The following ADCY5 variants were observed in gnomAD, a reference collection of about 807,000 sequenced individuals.
ADCY5 encodes the protein adenylate cyclase type 5.
In ADCY5, 30 loss-of-function variants were observed where a neutral mutation model predicts 119.7. The observed-to-expected ratio is 0.25, with a 90% CI of 0.19 to 0.34. The LOEUF (loss-of-function observed/expected upper bound fraction) is 0.34, where lower values mean the gene tolerates loss of function less well. ADCY5 is among the 10% of genes least tolerant of loss of function. The probability of loss-of-function intolerance (pLI) is 1.00; values close to 1 mark genes in which losing one functional copy is unlikely to be tolerated. For missense variants in ADCY5, 1,324 were observed against 1,775.2 expected (o/e 0.75, Z 4.57); for synonymous variants, 753 against 762.2 (o/e 0.99, Z 0.20).
intron 1 of ADCY5, among the ~76,000 whole-genome samples, chr3:123,366,037 C>T (rs567312140): frequency 2.0e-5 from 3 of 152,254 alleles, no homozygotes; most frequent in Admixed American, 6.5e-5. Context: ...AAATACAAAA[C>T]GCACTGGAGT....
chr3:123,428,050 G>A (rs952476482), intron 1 of ADCY5, among the ~76,000 whole-genome samples: 3 of 152,316 alleles, frequency 2.0e-5, no homozygotes, highest in Admixed American at 6.5e-5. Flanking sequence ...GAGGATCAAC[G>A]GACAGGGACC....
chr3:123,322,895 C>T (rs535246398), intron 8 of ADCY5, among the ~76,000 whole-genome samples: 36 of 152,362 alleles, frequency 2.4e-4, no homozygotes, highest in African/African-American at 8.7e-4. Context: ...CTACTTCGCG[C>T]TCCCAGCCCC....
chr3:123,411,828 G>C (rs1945056212), intron 1 of ADCY5, among the ~76,000 whole-genome samples: 1 of 152,160 alleles, frequency 6.6e-6, no homozygotes, highest in Non-Finnish European at 1.5e-5. Context: ...CCCACGTGGG[G>C]CTGTCCACCG....
rs6800813 is a variant in ADCY5, at chr3:123,438,693, T to C, written c.1134+8719A>G. 4.9e-3 allele frequency among the ~76,000 whole-genome samples: 745 copies of C among 152,290 alleles called. 1 individual carries two copies. The highest frequency in any genetic ancestry group is 0.016 in the African/African-American group (665 of 41,564). ...TAATGTCCTCAAAGTGCAAGCGTAG[T>C]GATGCTGGCAGTTTGGATATGCCAA... On this transcript the variant is annotated intron_variant, in intron 1 of 20. Transcript: ENST00000462833.
chr3:123,327,767 G>T lies in ADCY5; in HGVS notation c.1806-8C>A. 2 of 1,613,908 alleles carry T rather than the reference G, an allele frequency of 1.2e-6. No homozygotes were observed. Among genetic ancestry groups the T allele is most frequent in the Non-Finnish European group, 1.7e-6 (2 of 1,179,932 alleles). On this transcript the variant is annotated splice_polypyrimidine_tract_variant and splice_region_variant and intron_variant, in intron 6 of 20. Transcript: ENST00000462833. ...TTGGTGATGTGGATGCGTCTACAGGGGGGCAGGGATCAGGGTGGAGAGGGC... is the reference window on the plus strand; with the variant it reads ...TTGGTGATGTGGATGCGTCTACAGGTGGGCAGGGATCAGGGTGGAGAGGGC...
intron 15 of ADCY5, among the ~76,000 whole-genome samples, chr3:123,298,559 C>T (rs1284833094): frequency 6.6e-6 from 1 of 152,194 alleles, no homozygotes; most frequent in East Asian, 1.9e-4. Flanking sequence ...ACACAACCAC[C>T]AAGAAGTTCT....
intron 1 of ADCY5, among the ~76,000 whole-genome samples, chr3:123,397,509 T>C (rs949119261): frequency 6.6e-6 from 1 of 152,220 alleles, no homozygotes; most frequent in African/African-American, 2.4e-5. Flanking sequence ...AGGTGGTGTA[T>C]ACCTGTAGTC....
At chr3:123,359,331 AATATATAT>A (rs57105101) in intron 1 of ADCY5, among the ~76,000 whole-genome samples, 3,568 of 109,728 alleles carry the variant, frequency 0.033, 213 homozygotes, top group Middle Eastern at 0.065. Context: ...CTTATACTAA[AATATATAT>A]ATATATATAT....
At chr3:123,393,864 C>T (rs543570627) in intron 1 of ADCY5, among the ~76,000 whole-genome samples, 39 of 150,808 alleles carry the variant, frequency 2.6e-4, no homozygotes, top group African/African-American at 8.0e-4. Context: ...CGGCTGGGCG[C>T]GGTGGTTCAC....
At position 123,447,672 on chromosome 3, in the gene ADCY5, C is replaced by T. The variant is rs2107658367; in HGVS notation, c.874G>A (p.Ala292Thr). The T allele has an allele frequency of 6.2e-7, 1 of 1,605,344 alleles. No homozygotes were observed. Among genetic ancestry groups the T allele is most frequent in the East Asian group, 2.2e-5 (1 of 44,610 alleles). The change falls in exon 1 of 21, where the codon GCC (alanine) becomes ACC (threonine). Residue 292 changes from alanine to threonine, a missense_variant. Around this residue, in one of 6 missense-constraint regions of ADCY5, gnomAD observed 585 missense variants for 569.9 expected, o/e 1.03. Coordinates refer to ENST00000462833, the MANE Select transcript of ADCY5 (RefSeq NM_183357.3). The part of the protein sequence containing the change: ...LIMAVLCNRA[A>T]FHQDHMGLAC... ...AGGCCCATGTGGTCCTGGTGGAAGG[C>T]GGCGCGGTTGCAAAGCACAGCCATG... is the stretch of plus-strand genomic sequence containing the variant.
chr3:123,387,441 G>A (rs971179696), intron 1 of ADCY5, among the ~76,000 whole-genome samples: 24 of 152,200 alleles, frequency 1.6e-4, no homozygotes, highest in Non-Finnish European at 3.1e-4. Context: ...CCATTGACTT[G>A]GGAGTAGGTA....
At chr3:123,297,224 G>C (rs1939572220) in intron 16 of ADCY5, 129 bp downstream of exon 16, 1 of 1,417,238 alleles carries the variant, frequency 7.1e-7, no homozygotes, top group Admixed American at 1.7e-5. Flanking sequence ...CAGCCTCCCT[G>C]TCCTGTTGGC....
chr3:123,368,163 G>C, intron 1 of ADCY5: 1 of 803,916 alleles, frequency 1.2e-6, no homozygotes, highest in Non-Finnish European at 1.8e-6. Flanking sequence ...ATCTGAATGC[G>C]CTCATCTCTA....
chr3:123,312,918 C>T (rs1940664057), intron 12 of ADCY5, among the ~76,000 whole-genome samples: 1 of 142,278 alleles, frequency 7.0e-6, no homozygotes, highest in Admixed American at 6.7e-5. Flanking sequence ...TGGGGGGGGC[C>T]TTGACAACAG....
chr3:123,311,000 C>G (rs1245157291), intron 12 of ADCY5, among the ~76,000 whole-genome samples: 1 of 152,174 alleles, frequency 6.6e-6, no homozygotes, highest in Non-Finnish European at 1.5e-5. Flanking sequence ...CCAGAGAAGA[C>G]GACTCACTCT....
At chr3:123,430,973 C>G (rs1945512029) in intron 1 of ADCY5, among the ~76,000 whole-genome samples, 1 of 152,212 alleles carries the variant, frequency 6.6e-6, no homozygotes, top group South Asian at 2.1e-4. Context: ...CCCATCCTTT[C>G]CTCACCCTGC....
chr3:123,398,610 A>C (rs1944668248), intron 1 of ADCY5, among the ~76,000 whole-genome samples: 1 of 152,058 alleles, frequency 6.6e-6, no homozygotes, highest in African/African-American at 2.4e-5. Flanking sequence ...TATCAGATCA[A>C]ATCTAAATGT....
At chr3:123,428,349 G>A (rs1945454602) in intron 1 of ADCY5, among the ~76,000 whole-genome samples, 1 of 152,186 alleles carries the variant, frequency 6.6e-6, no homozygotes, top group African/African-American at 2.4e-5. Context: ...AACAATTGGT[G>A]TCCCTGCAGT....
intron 1 of ADCY5, among the ~76,000 whole-genome samples, chr3:123,445,345 C>G (rs1005730687): frequency 4.7e-5 from 7 of 150,052 alleles, no homozygotes; most frequent in South Asian, 2.1e-4. Flanking sequence ...TGGGGCCCCC[C>G]CCAAGGCTCA....
Sources: gnomAD v4.1 joint callset for allele counts (sites outside exome capture counted in the v4.1 genomes callset) on GRCh38, gnomAD v4.1.1 for gene constraint, gnomAD v4.1.1 regional missense constraint, MANE v1.5 for transcripts, NCBI Gene and HGNC (gene_info 2026-07-23, HGNC 2026-07-21) for gene names.